XKR6: variants seen among roughly 807,000 people sequenced by gnomAD.
The protein encoded by XKR6 is XK-related protein 6.
Under a neutral mutation model 56.7 loss-of-function variants are expected in XKR6, and 22 were observed. The ratio of observed to expected loss-of-function variants is 0.39; its 90% CI spans 0.28 to 0.55. The LOEUF (loss-of-function observed/expected upper bound fraction) is 0.55, where lower values mean the gene tolerates loss of function less well. Among genes scored for constraint, XKR6 ranks in the 20% least tolerant of loss-of-function variants. The pLI is 0.66. For synonymous variants in XKR6, 524 were observed against 387.8 expected (o/e 1.35, Z -4.13); for missense variants, 852 against 889.0 (o/e 0.96, Z 0.53).
At chr8:11,124,202 T>C in intron 1 of XKR6, 1 of 354,952 alleles carries the variant, frequency 2.8e-6, no homozygotes, top group East Asian at 7.4e-5. Context: ...AAAGCCAACC[T>C]TAATGCTATT....
intron 2 of XKR6, among the ~76,000 whole-genome samples, chr8:10,920,766 C>T (rs1157772543): frequency 6.6e-6 from 1 of 152,254 alleles, no homozygotes; most frequent in Non-Finnish European, 1.5e-5. Flanking sequence ...TTCCCGTAAA[C>T]CCAGCTGATG....
chr8:11,180,045 G>C (rs1297243626), intron 1 of XKR6, among the ~76,000 whole-genome samples: 1 of 152,040 alleles, frequency 6.6e-6, no homozygotes, highest in Non-Finnish European at 1.5e-5. Context: ...AGGCTGAGGT[G>C]GGAGAACTGT....
At chr8:11,103,244 G>T (rs549851946) in intron 1 of XKR6, among the ~76,000 whole-genome samples, 14 of 152,180 alleles carry the variant, frequency 9.2e-5, no homozygotes, top group African/African-American at 3.4e-4. Context: ...CTAGAGAGAT[G>T]AACAAAAAAG....
chr8:10,913,177 CTA>C (rs1016891038), intron 2 of XKR6, among the ~76,000 whole-genome samples: 5 of 151,626 alleles, frequency 3.3e-5, no homozygotes, highest in African/African-American at 1.2e-4. Context: ...TATATAGTCT[CTA>C]TATTTATACT....
intron 1 of XKR6, among the ~76,000 whole-genome samples, chr8:11,055,810 C>G (rs1270670361): frequency 1.3e-5 from 2 of 151,758 alleles, no homozygotes; most frequent in Non-Finnish European, 2.9e-5. Context: ...GGGAGGAAAG[C>G]CATGGGTCGG....
At chr8:11,107,127 A>C (rs1355076604) in intron 1 of XKR6, among the ~76,000 whole-genome samples, 2 of 152,174 alleles carry the variant, frequency 1.3e-5, no homozygotes, top group Non-Finnish European at 2.9e-5. Flanking sequence ...AACATTTCAA[A>C]GGGCTAGAAA....
chr8:10,948,217 A>C (rs1356604218), intron 1 of XKR6, among the ~76,000 whole-genome samples: 1 of 152,140 alleles, frequency 6.6e-6, no homozygotes, highest in Non-Finnish European at 1.5e-5. Flanking sequence ...AGCTTTCCCA[A>C]AGTCACACAG....
At chr8:10,959,215 C>G (rs115331863) in intron 1 of XKR6, among the ~76,000 whole-genome samples, 3 of 152,152 alleles carry the variant, frequency 2.0e-5, no homozygotes, top group African/African-American at 7.2e-5. Flanking sequence ...CCTCCCCACT[C>G]TATGGTGAGG....
At chr8:10,941,029 C>T (rs779065117) in intron 1 of XKR6, among the ~76,000 whole-genome samples, 12 of 152,178 alleles carry the variant, frequency 7.9e-5, no homozygotes, top group Non-Finnish European at 4.4e-5. Context: ...TCTCAGACAC[C>T]CAGGGAGGAG....
chr8:11,003,868 G>C (rs1798302656), intron 1 of XKR6, among the ~76,000 whole-genome samples: 1 of 152,238 alleles, frequency 6.6e-6, no homozygotes, highest in African/African-American at 2.4e-5. Context: ...GTTCCCAAGG[G>C]AGAAAAGAGT....
At position 10,954,866 on chromosome 8, in the gene XKR6, C is replaced by CCTTTTTTTTTTTTTTTTTTTTTTTTTTT. The variant is rs1554515116; in HGVS notation, c.765-30037_765-30036insAAAAAAAAAAAAAAAAAAAAAAAAAAAG. Among the ~76,000 whole-genome samples the CCTTTTTTTTTTTTTTTTTTTTTTTTTTT allele has an allele frequency of 2.2e-5, 2 of 92,794 alleles. 1 individual carries two copies. Among genetic ancestry groups the CCTTTTTTTTTTTTTTTTTTTTTTTTTTT allele is most frequent in the African/African-American group, 8.6e-5 (2 of 23,228 alleles). 60.9% of individuals were successfully genotyped at this position (92,794 alleles called of 152,430 possible). A position where few individuals can be genotyped will look rare whatever the true frequency, so the allele number is the denominator to read the frequency against. On this transcript the variant is annotated intron_variant, in intron 1 of 2. Coordinates refer to ENST00000416569, the MANE Select transcript of XKR6 (RefSeq NM_173683.4). ...TAAGGTAAGGGTCTAACTTCATTCT[C>CCTTTTTTTTTTTTTTTTTTTTTTTTTTT]TTTTTTTTTTTTTTTTTTTTAGACA... is the stretch of plus-strand genomic sequence containing the variant.
At chr8:10,955,110 C>G (rs951644245) in intron 1 of XKR6, among the ~76,000 whole-genome samples, 3 of 152,046 alleles carry the variant, frequency 2.0e-5, no homozygotes, top group Non-Finnish European at 2.9e-5. Flanking sequence ...CTCAAGTGAT[C>G]CGTCAGCCTT....
At chr8:10,972,833 C>T (rs778483444) in intron 1 of XKR6, among the ~76,000 whole-genome samples, 2 of 151,740 alleles carry the variant, frequency 1.3e-5, no homozygotes, top group Admixed American at 6.6e-5. Context: ...GCCACAGAAC[C>T]GCACACTTAA....
intron 1 of XKR6, among the ~76,000 whole-genome samples, chr8:11,073,419 T>C (rs969756086): frequency 6.6e-6 from 1 of 152,108 alleles, no homozygotes; most frequent in African/African-American, 2.4e-5. Context: ...AGAAGACCTG[T>C]ATATGAAGGA....
intron 1 of XKR6, chr8:11,108,212 A>C: frequency 2.2e-6 from 1 of 448,494 alleles, no homozygotes; most frequent in Non-Finnish European, 4.5e-6. Context: ...AATTAACCAA[A>C]TTCAGAAATA....
chr8:11,196,430 AAAC>A (rs1028061318), intron 1 of XKR6, among the ~76,000 whole-genome samples: 4 of 151,540 alleles, frequency 2.6e-5, no homozygotes, highest in African/African-American at 9.8e-5. Context: ...AAACAAAACA[AAAC>A]AAAAAAAACA....
intron 1 of XKR6, among the ~76,000 whole-genome samples, chr8:11,174,458 C>A (rs376569025): frequency 2.0e-5 from 3 of 152,212 alleles, no homozygotes; most frequent in South Asian, 2.1e-4. Flanking sequence ...AGCACCGCAT[C>A]GACTCCAACA....
At chr8:10,923,403 C>T (rs534409084) in intron 2 of XKR6, among the ~76,000 whole-genome samples, 41 of 152,072 alleles carry the variant, frequency 2.7e-4, no homozygotes, top group African/African-American at 8.4e-4. Flanking sequence ...GGACATGAGG[C>T]TTCACCTGAG....
At chr8:11,060,575 A>T (rs761977138) in intron 1 of XKR6, among the ~76,000 whole-genome samples, 6 of 152,208 alleles carry the variant, frequency 3.9e-5, no homozygotes, top group Non-Finnish European at 5.9e-5. Context: ...TCTCCTGCAT[A>T]CAAGGGACTA....
Sources: gnomAD v4.1 joint callset for allele counts (sites outside exome capture counted in the v4.1 genomes callset) on GRCh38, gnomAD v4.1.1 for gene constraint, MANE v1.5 for transcripts, NCBI Gene and HGNC (gene_info 2026-07-23, HGNC 2026-07-21) for gene names.